The following SLCO1C1 variants were observed in gnomAD, a reference collection of about 807,000 sequenced individuals.
SLCO1C1 encodes OAT-RP-5.
SLCO1C1 carries 70 observed loss-of-function variants against 76.4 expected under a neutral mutation model. The ratio of observed to expected loss-of-function variants is 0.92; its 90% CI spans 0.76 to 1.12. The LOEUF (loss-of-function observed/expected upper bound fraction) is 1.12. Ranked by LOEUF, SLCO1C1 falls within the 50% of genes most tolerant of loss-of-function variation. SLCO1C1 has a pLI of 0.00. For missense variants in SLCO1C1, 912 were observed against 823.8 expected (o/e 1.11, Z -1.31); for synonymous variants, 306 against 286.1 (o/e 1.07, Z -0.70).
chr12:20,737,031 G>T, intron 10 of SLCO1C1, 76 bp from the exon 11 acceptor site: 1 of 1,293,260 alleles, frequency 7.7e-7, no homozygotes, highest in South Asian at 2.0e-5. Flanking sequence ...TATCACTCAA[G>T]AACATTGATT....
chr12:20,725,323 G>C (rs1947923339), intron 9 of SLCO1C1, among the ~76,000 whole-genome samples: 1 of 132,750 alleles, frequency 7.5e-6, no homozygotes, highest in Admixed American at 8.1e-5. Context: ...TACACTATAA[G>C]ATAGTATTAT....
chr12:20,703,335 T>C (rs1480483280), intron 3 of SLCO1C1, among the ~76,000 whole-genome samples: 1 of 151,960 alleles, frequency 6.6e-6, no homozygotes, highest in Admixed American at 6.6e-5. Flanking sequence ...CCATGGAAAC[T>C]GTAGAGTTTT....
intron 11 of SLCO1C1, among the ~76,000 whole-genome samples, chr12:20,737,670 T>C (rs1158076395): frequency 6.6e-6 from 1 of 152,096 alleles, no homozygotes; most frequent in Non-Finnish European, 1.5e-5. Context: ...AGGCCAGTAT[T>C]AGGAGGCTTA....
At chr12:20,720,290 A>C (rs1947595599) in intron 7 of SLCO1C1, among the ~76,000 whole-genome samples, 1 of 152,194 alleles carries the variant, frequency 6.6e-6, no homozygotes, top group African/African-American at 2.4e-5. Context: ...ACAAAGAGAT[A>C]AATGTTTTCA....
At chr12:20,712,308 A>G (rs908884598) in intron 5 of SLCO1C1, among the ~76,000 whole-genome samples, 3 of 152,158 alleles carry the variant, frequency 2.0e-5, no homozygotes, top group Admixed American at 6.5e-5. Flanking sequence ...TCTCTTCTAT[A>G]TCACTGTAGA....
chr12:20,724,029 A>G (rs1342503573), intron 9 of SLCO1C1, among the ~76,000 whole-genome samples: 6 of 152,156 alleles, frequency 3.9e-5, no homozygotes, highest in Non-Finnish European at 8.8e-5. Flanking sequence ...TAATTTTTCT[A>G]TGATAATCTT....
chr12:20,731,729 G>A (rs1422507089), intron 9 of SLCO1C1, among the ~76,000 whole-genome samples: 1 of 152,180 alleles, frequency 6.6e-6, no homozygotes, highest in Non-Finnish European at 1.5e-5. Context: ...CTTCTTTAGA[G>A]TTACAATTTA....
intron 10 of SLCO1C1, 104 bp downstream of exon 10, chr12:20,733,208 T>C (rs113984495): frequency 9.1e-7 from 1 of 1,096,122 alleles, no homozygotes; most frequent in Non-Finnish European, 1.3e-6. Flanking sequence ...ATCATAACTA[T>C]GGTAAGCAAC....
chr12:20,699,089 T>TG (rs1398017714), intron 1 of SLCO1C1, among the ~76,000 whole-genome samples: 1 of 152,100 alleles, frequency 6.6e-6, no homozygotes, highest in Non-Finnish European at 1.5e-5. Context: ...AATCATAAGG[T>TG]GGTACAGGGA....
intron 1 of SLCO1C1, among the ~76,000 whole-genome samples, chr12:20,696,120 T>C (rs946089676): frequency 6.6e-6 from 1 of 152,258 alleles, no homozygotes; most frequent in African/African-American, 2.4e-5. Flanking sequence ...GTTTTAAGGA[T>C]TAGAAAAAGT....
chr12:20,697,689 T>G (rs890103684), intron 1 of SLCO1C1, among the ~76,000 whole-genome samples: 1 of 152,136 alleles, frequency 6.6e-6, no homozygotes, highest in Non-Finnish European at 1.5e-5. Flanking sequence ...ATTCATGTGG[T>G]AATTTAGGTG....
intron 2 of SLCO1C1, 78 bp from the exon 3 acceptor site, chr12:20,701,239 AT>A: frequency 2.3e-6 from 3 of 1,294,626 alleles, no homozygotes; most frequent in Non-Finnish European, 3.0e-6. Context: ...TTTGTTTTGT[AT>A]TTGTTTGTCT....
intron 5 of SLCO1C1, among the ~76,000 whole-genome samples, chr12:20,712,123 T>TC (rs779613357): frequency 2.1e-4 from 32 of 152,156 alleles, no homozygotes; most frequent in South Asian, 4.1e-4. Context: ...TACTTTTTTT[T>TC]CTCACAGCAG....
chr12:20,716,955 C>A (rs1228073771), intron 6 of SLCO1C1, among the ~76,000 whole-genome samples, 177 bp from the exon 7 acceptor site: 1 of 152,134 alleles, frequency 6.6e-6, no homozygotes, highest in East Asian at 1.9e-4. Context: ...TCTCCCAAAG[C>A]AGTGAAGGAC....
Position 20,717,219 on chromosome 12 carries a change from T to G in SLCO1C1, c.764T>G (p.Phe255Cys). ...GCCAAACTATATGTTGACATTGGCT[T>G]TGTAAACCTAGGTAAGGAAGTTTAT... Reference protein sequence around the residue: ...LCAKLYVDIGFVNLDHITITP... With the variant: ...LCAKLYVDIGCVNLDHITITP... The change falls in exon 7 of 15, where the codon TTT (phenylalanine) becomes TGT (cysteine). Residue 255 changes from phenylalanine to cysteine, a missense_variant. By Grantham distance (205) the Phe-to-Cys change is radical. Transcript: ENST00000266509. 6.3e-7 allele frequency: 1 copy of G among 1,582,962 alleles called. No individual in the cohort carries two copies. Among genetic ancestry groups the G allele is most frequent in the Non-Finnish European group, 8.5e-7 (1 of 1,170,996 alleles).
At chr12:20,715,029 A>G (rs1412676173) in intron 5 of SLCO1C1, 110 bp from the exon 6 acceptor site, 1 of 1,370,012 alleles carries the variant, frequency 7.3e-7, no homozygotes, top group Non-Finnish European at 1.0e-6. Flanking sequence ...ACTATTGCAC[A>G]AAAACTCCTG....
At chr12:20,711,628 G>T in intron 5 of SLCO1C1, 118 bp downstream of exon 5, 1 of 1,037,556 alleles carries the variant, frequency 9.6e-7, no homozygotes, top group Admixed American at 2.7e-5. Context: ...TACTTAAATT[G>T]AGATATCACA....
chr12:20,717,691 T>TTTTTA, intron 7 of SLCO1C1, among the ~76,000 whole-genome samples: 1 of 123,148 alleles, frequency 8.1e-6, no homozygotes, highest in Non-Finnish European at 1.7e-5. Flanking sequence ...TTTTTTTTTT[T>TTTTTA]TACTCTGCAA....
chr12:20,745,370 C>T (rs1948995493), intron 13 of SLCO1C1, among the ~76,000 whole-genome samples: 1 of 151,762 alleles, frequency 6.6e-6, no homozygotes, highest in South Asian at 2.1e-4. Context: ...AATTTTTTGC[C>T]AAATCTTCAT....
Sources: allele counts gnomAD v4.1 joint callset (sites outside exome capture counted in the v4.1 genomes callset), GRCh38; gene constraint gnomAD v4.1.1; transcripts MANE v1.5; gene names NCBI Gene and HGNC (gene_info 2026-07-23, HGNC 2026-07-21).